The following SAMMSON variants were observed in gnomAD, a reference collection of about 807,000 sequenced individuals.
SAMMSON encodes the protein survival associated mitochondrial melanoma specific oncogenic non-coding RNA.
intron 3 of SAMMSON, among the ~76,000 whole-genome samples, chr3:70,039,708 G>C (rs764385440): frequency 6.6e-6 from 1 of 151,558 alleles, no homozygotes; most frequent in African/African-American, 2.4e-5. Flanking sequence ...CTGTCTCAGG[G>C]GAGGTGGTTC....
chr3:70,205,300 A>G (rs1701279434), intron 4 of SAMMSON: 1 of 152,064 alleles, frequency 6.6e-6, no homozygotes, highest in Non-Finnish European at 1.5e-5. Context: ...TGTGCTCTCC[A>G]GCTTGCCATA....
intron 4 of SAMMSON, chr3:70,126,652 G>T (rs755403260): frequency 1.6e-5 from 5 of 318,532 alleles, no homozygotes; most frequent in African/African-American, 2.2e-5. Flanking sequence ...GGGACTCACT[G>T]TCAAGATTAA....
chr3:70,075,094 AATTTG>A (rs1385010920), intron 4 of SAMMSON: 1 of 151,992 alleles, frequency 6.6e-6, no homozygotes, highest in African/African-American at 2.4e-5. Context: ...CTTTCCAGAA[AATTTG>A]ATTCCTGTCT....
rs151048160 is a variant in SAMMSON, at chr3:70,069,990, A to T, written n.418-1486A>T. The T allele has an allele frequency of 3.9e-5, 6 of 152,208 alleles. No individual in the cohort carries two copies. The East Asian group carries it at 1.2e-3, about 30-fold the overall frequency. 9.4% of individuals were successfully genotyped at this position (152,208 alleles called of 1,614,324 possible). ...CCTTCTGATCTGAGTCAATTGAAGGATGTATTTTTGAACCTTTCAGAAATC... is the reference window on the plus strand; with the variant it reads ...CCTTCTGATCTGAGTCAATTGAAGGTTGTATTTTTGAACCTTTCAGAAATC... On this transcript the variant is annotated intron_variant and non_coding_transcript_variant, in intron 3 of 9. Coordinates refer to ENST00000642114, the Ensembl canonical transcript of SAMMSON.
chr3:70,376,519 T>C (rs760462850), intron 9 of SAMMSON, among the ~76,000 whole-genome samples: 3 of 152,174 alleles, frequency 2.0e-5, no homozygotes, highest in Non-Finnish European at 4.4e-5. Flanking sequence ...ATTGAATCCA[T>C]CAGACACCTT....
chr3:70,362,804 C>CTTTTTTTTTTTTTT (rs11360944), intron 9 of SAMMSON, among the ~76,000 whole-genome samples: 1 of 134,036 alleles, frequency 7.5e-6, no homozygotes, highest in African/African-American at 2.7e-5. Flanking sequence ...GAAAGATCTG[C>CTTTTTTTTTTTTTT]TTTTTTTTTT....
intron 9 of SAMMSON, among the ~76,000 whole-genome samples, chr3:70,374,723 G>A (rs528294569): frequency 3.3e-4 from 50 of 152,250 alleles, no homozygotes; most frequent in Non-Finnish European, 6.2e-4. Flanking sequence ...GGGTCATTGC[G>A]ATGGTTTGTC....
chr3:70,068,885 A>C (rs182513548), intron 3 of SAMMSON: 3 of 152,114 alleles, frequency 2.0e-5, no homozygotes, highest in Non-Finnish European at 4.4e-5. Context: ...ACAGGAATAA[A>C]TGGTGTGATA....
At chr3:70,396,159 T>C (rs1559580317) in intron 2 of SAMMSON, among the ~76,000 whole-genome samples, 3 of 152,168 alleles carry the variant, frequency 2.0e-5, no homozygotes, top group Middle Eastern at 3.2e-3. Flanking sequence ...AAATGATGAC[T>C]CTTATTTTCT....
At chr3:70,416,143 G>A (rs1035864838) in intron 2 of SAMMSON, among the ~76,000 whole-genome samples, 5 of 152,254 alleles carry the variant, frequency 3.3e-5, no homozygotes, top group African/African-American at 1.2e-4. Context: ...ACCTTGCACA[G>A]TAATTTCAAT....
At chr3:70,089,245 T>C (rs1452589319) in intron 4 of SAMMSON, among the ~76,000 whole-genome samples, 1 of 152,180 alleles carries the variant, frequency 6.6e-6, no homozygotes, top group African/African-American at 2.4e-5. Flanking sequence ...CTAATACATA[T>C]ATACTGAAAA....
At chr3:70,176,149 A>C (rs182591771) in intron 4 of SAMMSON, among the ~76,000 whole-genome samples, 2 of 152,272 alleles carry the variant, frequency 1.3e-5, no homozygotes, top group East Asian at 3.9e-4. Flanking sequence ...TGTCTTCTTC[A>C]TGCTTTAATA....
intron 6 of SAMMSON, among the ~76,000 whole-genome samples, chr3:70,285,180 TATACCTCCC>T (rs1170256693): frequency 6.6e-6 from 1 of 150,600 alleles, no homozygotes; most frequent in Non-Finnish European, 1.5e-5. Flanking sequence ...TAGCATTAGG[TATACCTCCC>T]AATGCTATCC....
chr3:70,275,143 A>G (rs62256516), intron 6 of SAMMSON, among the ~76,000 whole-genome samples: 32,398 of 152,190 alleles, frequency 0.21, 4,615 homozygotes, highest in Non-Finnish European at 0.3. Flanking sequence ...TTATTTAAAT[A>G]TTAGAATTTT....
chr3:70,432,324 T>C (rs1003696356), intron 2 of SAMMSON, among the ~76,000 whole-genome samples: 2 of 151,882 alleles, frequency 1.3e-5, no homozygotes, highest in East Asian at 3.8e-4. Context: ...CTTTCCTCCA[T>C]GTTTATTAGG....
intron 6 of SAMMSON, among the ~76,000 whole-genome samples, chr3:70,273,617 C>T (rs189902949): frequency 6.6e-6 from 1 of 152,240 alleles, no homozygotes; most frequent in East Asian, 1.9e-4. Context: ...TTTATAAGAG[C>T]ATTTTGACAG....
chr3:70,300,671 G>A (rs1012454513), intron 7 of SAMMSON, among the ~76,000 whole-genome samples: 1 of 152,042 alleles, frequency 6.6e-6, no homozygotes, highest in Admixed American at 6.6e-5. Flanking sequence ...AATCCAAGAT[G>A]AGACTGATAT....
intron 4 of SAMMSON, among the ~76,000 whole-genome samples, chr3:70,210,661 G>A (rs983110207): frequency 6.6e-6 from 1 of 152,074 alleles, no homozygotes; most frequent in African/African-American, 2.4e-5. Context: ...TAAGGAACTC[G>A]TGAAACTATA....
intron 9 of SAMMSON, among the ~76,000 whole-genome samples, chr3:70,380,559 T>C (rs1259081554): frequency 6.6e-6 from 1 of 152,210 alleles, no homozygotes; most frequent in Non-Finnish European, 1.5e-5. Flanking sequence ...TTTTTAATTA[T>C]ACTTTAAGTT....
Sources: allele counts gnomAD v4.1 joint callset (sites outside exome capture counted in the v4.1 genomes callset), GRCh38; gene constraint gnomAD v4.1.1; transcripts MANE v1.5; gene names NCBI Gene and HGNC (gene_info 2026-07-23, HGNC 2026-07-21).